The following SLC12A1 variants were observed in gnomAD, a reference collection of about 807,000 sequenced individuals.
SLC12A1 encodes solute carrier family 12 member 1.
In SLC12A1, 89 loss-of-function variants were observed where a neutral mutation model predicts 130.4. That is an observed-to-expected ratio of 0.68 (90% CI 0.58 to 0.81). SLC12A1 has a LOEUF of 0.81. Among genes scored for constraint, SLC12A1 ranks in the 40% least tolerant of loss-of-function variants. The pLI is 0.00. For synonymous variants in SLC12A1, 499 were observed against 460.0 expected, an observed-to-expected ratio of 1.08 and a Z score of -1.09; for missense variants, 1,310 against 1,336.4, an observed-to-expected ratio of 0.98 and a Z score of 0.31.
At chr15:48,299,356 C>T (rs1022686982) in intron 25 of SLC12A1, 81 bp downstream of exon 25, 18 of 1,209,466 alleles carry the variant, frequency 1.5e-5, no homozygotes, top group Non-Finnish European at 1.9e-5. Context: ...GACAAAGAAG[C>T]AATATATTTA....
Position 48,269,263 on chromosome 15 carries a change from T to C in SLC12A1, c.2296-395T>C, listed in dbSNP as rs529780755. ...CTTGTACATAAGAATTTTCCAAACA[T>C]GGATTTTATTGCTAATGACATTATG... On this transcript the variant is annotated intron_variant, in intron 18 of 26. Coordinates refer to ENST00000380993, the MANE Select transcript of SLC12A1 (RefSeq NM_000338.3). Among the ~76,000 whole-genome samples the C allele has an allele frequency of 7.2e-5, 11 of 152,336 alleles. No individual in the cohort carries two copies. The South Asian group carries it at 2.3e-3, about 32-fold the overall frequency.
intron 2 of SLC12A1, among the ~76,000 whole-genome samples, chr15:48,216,208 A>G (rs777450214): frequency 6.6e-6 from 1 of 152,162 alleles, no homozygotes; most frequent in Non-Finnish European, 1.5e-5. Context: ...ACTTGCACAT[A>G]TAGTGGTTTC....
chr15:48,303,021 G>C lies in SLC12A1; in HGVS notation c.*136G>C, dbSNP rs139328190. The C allele has an allele frequency of 3.3e-6, 2 of 615,330 alleles. No homozygotes were observed. Among genetic ancestry groups the C allele is most frequent in the South Asian group, 7.3e-5 (2 of 27,276 alleles). The allele number at this position is 615,330 out of a possible 1,614,324, so 38.1% of individuals were successfully genotyped here. On this transcript the variant is annotated 3_prime_UTR_variant, in exon 27 of 27. Coordinates refer to ENST00000380993, the MANE Select transcript of SLC12A1 (RefSeq NM_000338.3). ...GATCCTACCAGATTCTACATACATT[G>C]CATAATTTTTATCAGTTAATGCGAG...
intron 19 of SLC12A1, 133 bp downstream of exon 19, chr15:48,269,897 C>T (rs1428192257): frequency 2.2e-6 from 1 of 456,280 alleles, no homozygotes; most frequent in Non-Finnish European, 4.0e-6. Flanking sequence ...GGTACTCTGA[C>T]TTCTTTTCCA....
intron 16 of SLC12A1, among the ~76,000 whole-genome samples, chr15:48,256,678 T>G (rs568862570): frequency 6.6e-6 from 1 of 152,106 alleles, no homozygotes; most frequent in Non-Finnish European, 1.5e-5. Flanking sequence ...TTCACTGTCA[T>G]GAGAACAGCA....
chr15:48,279,341 G>C (rs1481310630), intron 20 of SLC12A1, among the ~76,000 whole-genome samples: 2 of 152,054 alleles, frequency 1.3e-5, no homozygotes, highest in Admixed American at 1.3e-4. Flanking sequence ...TCCAACACAG[G>C]CACCACAGTG....
At chr15:48,298,799 T>C (rs184994051) in intron 24 of SLC12A1, among the ~76,000 whole-genome samples, 7 of 152,348 alleles carry the variant, frequency 4.6e-5, no homozygotes, top group Non-Finnish European at 1.0e-4. Context: ...AACTATGTCT[T>C]CGACTACACT....
In SLC12A1 at chr15:48,288,401, C is replaced by T; in HGVS notation, c.2762-4C>T. ...ATTGTGTCATAATTTATTCTTTATT[C>T]CAGGGTTAACACTTCTTATCCCCTA... On this transcript the variant is annotated splice_polypyrimidine_tract_variant and splice_region_variant and intron_variant, in intron 22 of 26. Transcript: ENST00000380993. The T allele has an allele frequency of 7.2e-7, 1 of 1,388,806 alleles. No homozygotes were observed. Among genetic ancestry groups the T allele is most frequent in the Non-Finnish European group, 1.0e-6 (1 of 1,002,430 alleles). The allele number at this position is 1,388,806 out of a possible 1,614,324, so 86.0% of individuals were successfully genotyped here.
Position 48,301,314 on chromosome 15 carries a change from G to T in SLC12A1, c.3097-1G>T. 1.9e-6 allele frequency: 3 copies of T among 1,597,620 alleles called. No individual in the cohort carries two copies. The highest frequency in any genetic ancestry group is 2.6e-6 in the Non-Finnish European group (3 of 1,170,952). ...TCAACAAATCTGAATGTTGCCCACA[G>T]AGTTACCGCCAAGTTCGACTGAATG... On this transcript the variant is annotated splice_acceptor_variant, in intron 25 of 26. Transcript: ENST00000380993. LOFTEE classifies it high-confidence loss of function.
chr15:48,297,835 C>G (rs1005755249), intron 24 of SLC12A1, among the ~76,000 whole-genome samples: 6 of 152,166 alleles, frequency 3.9e-5, no homozygotes, highest in African/African-American at 1.4e-4. Context: ...GAGCGAGAAC[C>G]CAGACCCTAC....
Position 48,234,977 on chromosome 15 carries a change from T to C in SLC12A1, c.1188T>C (p.Ala396=), listed in dbSNP as rs1208744466. The C allele has an allele frequency of 1.5e-5, 25 of 1,613,854 alleles. No individual in the cohort carries two copies. The highest frequency in any genetic ancestry group is 2.1e-5 in the Non-Finnish European group (25 of 1,179,860). ...TCCCAGCAGCTACTGGGATTCTTGC[T>C]GGTGCCAATATCTCAGGAGATTTGG... is the stretch of plus-strand genomic sequence containing the variant. The part of the protein sequence containing the change: ...IFFPAATGIL[A]GANISGDLED... Residue 396 remains alanine (A), a synonymous_variant, in exon 9 of 27, where the codon GCT becomes GCC. Coordinates refer to ENST00000380993, the MANE Select transcript of SLC12A1 (RefSeq NM_000338.3).
At position 48,303,163 on chromosome 15, in the gene SLC12A1, C is replaced by A. The variant is rs2042254377; in HGVS notation, c.*278C>A. On this transcript the variant is annotated 3_prime_UTR_variant, in exon 27 of 27. Coordinates refer to ENST00000380993, the MANE Select transcript of SLC12A1 (RefSeq NM_000338.3). ...TCAAGGAAACTCATGTTGGCTTATGCTCATGAAAACCACCAATGTGATTGT... is the reference window on the plus strand; with the variant it reads ...TCAAGGAAACTCATGTTGGCTTATGATCATGAAAACCACCAATGTGATTGT... 3.8e-6 allele frequency: 1 copy of A among 263,486 alleles called. No homozygotes were observed. Among genetic ancestry groups the A allele is most frequent in the Admixed American group, 5.2e-5 (1 of 19,196 alleles). 16.3% of individuals were successfully genotyped at this position (263,486 alleles called of 1,614,324 possible).
At chr15:48,276,081 G>C (rs139752042) in intron 20 of SLC12A1, among the ~76,000 whole-genome samples, 1 of 152,184 alleles carries the variant, frequency 6.6e-6, no homozygotes, top group African/African-American at 2.4e-5. Flanking sequence ...AAAGAGCAGC[G>C]TTTGGGAGTT....
At chr15:48,279,745 T>C (rs532746884) in intron 20 of SLC12A1, among the ~76,000 whole-genome samples, 57 of 152,328 alleles carry the variant, frequency 3.7e-4, no homozygotes, top group African/African-American at 1.3e-3. Context: ...TTGCCATATA[T>C]TGTGGTCAAG....
chr15:48,251,356 G>A (rs972307494), intron 14 of SLC12A1, among the ~76,000 whole-genome samples: 2 of 151,566 alleles, frequency 1.3e-5, no homozygotes, highest in Non-Finnish European at 2.9e-5. Context: ...TCGGGAGCAC[G>A]GAGTATGGAG....
chr15:48,295,422 T>C (rs771905196), intron 24 of SLC12A1, among the ~76,000 whole-genome samples: 7 of 152,166 alleles, frequency 4.6e-5, no homozygotes, highest in Non-Finnish European at 8.8e-5. Flanking sequence ...AGCCATCCTT[T>C]CTGTCCTGTT....
At chr15:48,301,499 T>A (rs1422754417) in intron 26 of SLC12A1, 117 bp downstream of exon 26, 5 of 462,436 alleles carry the variant, frequency 1.1e-5, no homozygotes, top group Admixed American at 9.1e-5. Context: ...TTTGTGTTTT[T>A]TTTGGGGGGG....
Position 48,208,156 on chromosome 15 carries a change from CA to C in SLC12A1, c.420+19del. 1 of 1,551,642 alleles carries C rather than the reference CA, an allele frequency of 6.4e-7. No individual in the cohort carries two copies. On this transcript the variant is annotated intron_variant, in intron 2 of 26. Transcript: ENST00000380993. ...CTCGCAAAGGTAAGCTTGAAGGACA[CA>C]AGCAAGTCTCCTCCCTTATTCATAA...
intron 20 of SLC12A1, among the ~76,000 whole-genome samples, chr15:48,277,331 T>TA (rs934668513): frequency 3.3e-5 from 5 of 150,700 alleles, no homozygotes; most frequent in South Asian, 2.1e-4. Context: ...TTTTAAAAAT[T>TA]AAAAAAAAAC....
Sources: allele counts gnomAD v4.1 joint callset (sites outside exome capture counted in the v4.1 genomes callset), GRCh38; gene constraint gnomAD v4.1.1; transcripts MANE v1.5; gene names NCBI Gene and HGNC (gene_info 2026-07-23, HGNC 2026-07-21).